Variants in ZNF407 observed in about 807,000 individuals in gnomAD.
ZNF407 encodes zinc finger protein 407.
ZNF407 carries 17 observed loss-of-function variants against 131.2 expected under a neutral mutation model. The observed-to-expected ratio is 0.13, with a 90% CI of 0.09 to 0.19. The LOEUF (loss-of-function observed/expected upper bound fraction) is 0.19. Ranked by LOEUF, ZNF407 falls within the 10% of genes least tolerant of loss-of-function variation. ZNF407 has a pLI of 1.00. For missense variants in ZNF407, 2,681 were observed against 2,830.6 expected (o/e 0.95, Z 1.20); for synonymous variants, 1,156 against 1,062.0 (o/e 1.09, Z -1.72).
chr18:75,046,603 C>T (rs1973438187), intron 8 of ZNF407, among the ~76,000 whole-genome samples: 2 of 152,124 alleles, frequency 1.3e-5, no homozygotes, highest in South Asian at 2.1e-4. Context: ...CGTGACCACC[C>T]GAACCGAGGG....
chr18:74,696,848 G>A (rs1233859465), intron 3 of ZNF407, among the ~76,000 whole-genome samples: 2 of 152,144 alleles, frequency 1.3e-5, no homozygotes, highest in Non-Finnish European at 2.9e-5. Context: ...GAGGCAGGCT[G>A]TGATATTACA....
At chr18:75,034,916 C>A (rs185964828) in intron 8 of ZNF407, among the ~76,000 whole-genome samples, 2 of 152,242 alleles carry the variant, frequency 1.3e-5, no homozygotes, top group East Asian at 1.9e-4. Flanking sequence ...TTCTTCATAA[C>A]TCTAGGTAAA....
chr18:75,005,451 CAGAGT>C (rs1383636976), intron 8 of ZNF407, among the ~76,000 whole-genome samples: 2 of 151,942 alleles, frequency 1.3e-5, no homozygotes, highest in African/African-American at 4.8e-5. Flanking sequence ...TCATTGAATG[CAGAGT>C]TTTAGGGTTA....
At position 74,685,703 on chromosome 18, in the gene ZNF407, T is replaced by C. The variant is rs555130887; in HGVS notation, c.4802+44581T>C. 3.9e-5 allele frequency among the ~76,000 whole-genome samples: 6 copies of C among 152,306 alleles called. No homozygotes were observed. In the East Asian group the frequency reaches 9.7e-4, roughly 25 times the overall value. On this transcript the variant is annotated intron_variant, in intron 3 of 8. Transcript: ENST00000299687. ...GGCGCATGCTCTCTCCTTAGCTCCT[T>C]TACTCTGTTGATGCTCAACTGAGTG...
chr18:74,874,695 C>T (rs888171149), intron 4 of ZNF407, among the ~76,000 whole-genome samples: 6 of 152,188 alleles, frequency 3.9e-5, no homozygotes, highest in African/African-American at 1.4e-4. Flanking sequence ...CTCTTATCTG[C>T]CCTGCCCCAC....
At chr18:74,937,946 GCT>G (rs925277662) in intron 8 of ZNF407, among the ~76,000 whole-genome samples, 5 of 152,128 alleles carry the variant, frequency 3.3e-5, no homozygotes, top group Admixed American at 1.3e-4. Context: ...ACCTGGAAAT[GCT>G]CTGTCTTCCA....
chr18:74,948,417 G>A (rs1180592538), intron 8 of ZNF407, among the ~76,000 whole-genome samples: 1 of 152,128 alleles, frequency 6.6e-6, no homozygotes, highest in Non-Finnish European at 1.5e-5. Context: ...GTTTTTAGCT[G>A]ACTTTTTTCC....
At chr18:74,746,770 GC>G (rs1446241226) in intron 3 of ZNF407, among the ~76,000 whole-genome samples, 2 of 151,104 alleles carry the variant, frequency 1.3e-5, no homozygotes, top group Non-Finnish European at 2.9e-5. Context: ...CCTGCCTGAA[GC>G]TGTTTTACAC....
chr18:74,804,929 A>G (rs1261551708), intron 4 of ZNF407, among the ~76,000 whole-genome samples: 4 of 152,194 alleles, frequency 2.6e-5, no homozygotes, highest in Admixed American at 6.5e-5. Context: ...TGTTAACAGC[A>G]CTTTTCCTGA....
chr18:74,676,664 G>A (rs746071310), intron 3 of ZNF407, among the ~76,000 whole-genome samples: 4 of 152,000 alleles, frequency 2.6e-5, no homozygotes, highest in Admixed American at 6.5e-5. Context: ...TCGATCTCCT[G>A]ACCTCGTGAT....
chr18:74,815,973 T>TA (rs1970262388), intron 4 of ZNF407, among the ~76,000 whole-genome samples: 2 of 152,230 alleles, frequency 1.3e-5, no homozygotes, highest in South Asian at 4.1e-4. Flanking sequence ...AATCTCTATG[T>TA]AAAATGTATC....
At chr18:74,688,340 A>G (rs1397198648) in intron 3 of ZNF407, among the ~76,000 whole-genome samples, 1 of 152,238 alleles carries the variant, frequency 6.6e-6, no homozygotes, top group Admixed American at 6.5e-5. Flanking sequence ...AAAGTATAAG[A>G]TATCTCTCTG....
rs755426532 is a variant in ZNF407 at position 74,877,382 on chromosome 18, C to T, written c.5044+19C>T. On this transcript the variant is annotated intron_variant, in intron 5 of 8. Transcript: ENST00000299687. The stretch of plus-strand genomic sequence containing the variant: ...CACACAGGTGTGCCGCGCCGCCTTC[C>T]TATCCCAGGAGGCTGGGCAGAGGTA... The T allele has an allele frequency of 6.2e-7, 1 of 1,608,440 alleles. No homozygotes were observed. Among genetic ancestry groups the T allele is most frequent in the Non-Finnish European group, 8.5e-7 (1 of 1,176,582 alleles).
At chr18:74,650,541 A>G (rs568394684) in intron 3 of ZNF407, among the ~76,000 whole-genome samples, 2 of 152,238 alleles carry the variant, frequency 1.3e-5, no homozygotes, top group South Asian at 2.1e-4. Context: ...ACATCCTGTT[A>G]GTCACTCTTT....
intron 8 of ZNF407, among the ~76,000 whole-genome samples, chr18:74,989,055 C>T (rs1041496157): frequency 3.9e-5 from 6 of 152,014 alleles, no homozygotes; most frequent in African/African-American, 1.4e-4. Context: ...TTCAAGTAAT[C>T]GAAAGTTAGA....
chr18:74,706,202 AT>A (rs1967620155), intron 3 of ZNF407, among the ~76,000 whole-genome samples: 1 of 152,202 alleles, frequency 6.6e-6, no homozygotes, highest in South Asian at 2.1e-4. Flanking sequence ...TTGTTGCAGA[AT>A]TTTTATAGGA....
At chr18:74,969,055 C>A (rs904198824) in intron 8 of ZNF407, among the ~76,000 whole-genome samples, 2 of 152,182 alleles carry the variant, frequency 1.3e-5, no homozygotes, top group African/African-American at 4.8e-5. Flanking sequence ...TTGTGGAGCC[C>A]AGCCAATGAT....
rs1422479366 is a variant in ZNF407 at position 75,064,850 on chromosome 18, T to C, written c.*382T>C. ...TCCCATTTCAGTTATCAGAAGGTCA[T>C]GGCCGTGGGGAAAGTGGTGAAGATA... On this transcript the variant is annotated 3_prime_UTR_variant, in exon 9 of 9. Coordinates refer to ENST00000299687, the MANE Select transcript of ZNF407 (RefSeq NM_017757.3). 1 of 173,380 alleles carries C rather than the reference T, an allele frequency of 5.8e-6. No homozygotes were observed. The highest frequency in any genetic ancestry group is 1.2e-5 in the Non-Finnish European group (1 of 81,858). The allele number at this position is 173,380 out of a possible 1,614,324, so 10.7% of individuals were successfully genotyped here.
At chr18:74,852,644 T>C (rs1247624636) in intron 4 of ZNF407, among the ~76,000 whole-genome samples, 1 of 152,132 alleles carries the variant, frequency 6.6e-6, no homozygotes, top group African/African-American at 2.4e-5. Flanking sequence ...TCTTATAATA[T>C]CAAATATCTG....
Sources: gnomAD v4.1 joint callset for allele counts (sites outside exome capture counted in the v4.1 genomes callset) on GRCh38, gnomAD v4.1.1 for gene constraint, MANE v1.5 for transcripts, NCBI Gene and HGNC (gene_info 2026-07-23, HGNC 2026-07-21) for gene names.